The following DLGAP2 variants were observed in gnomAD, a reference collection of about 807,000 sequenced individuals.
The protein encoded by DLGAP2 is disks large-associated protein 2.
In DLGAP2, 26 loss-of-function variants were observed where a neutral mutation model predicts 100.3. The ratio of observed to expected loss-of-function variants is 0.26; its 90% CI spans 0.19 to 0.36. The LOEUF is 0.36. Ranked by LOEUF, DLGAP2 falls within the 10% of genes least tolerant of loss-of-function variation. The pLI is 1.00. For synonymous variants in DLGAP2, 886 were observed against 630.1 expected, an observed-to-expected ratio of 1.41 and a Z score of -6.08; for missense variants, 1,858 against 1,453.2, an observed-to-expected ratio of 1.28 and a Z score of -4.53.
intron 1 of DLGAP2, among the ~76,000 whole-genome samples, chr8:743,640 T>G (rs986549219): frequency 2.0e-5 from 3 of 152,232 alleles, no homozygotes; most frequent in Non-Finnish European, 4.4e-5. Context: ...CTCAGCTCAC[T>G]GCAGCCTTGA....
rs900948110 is a variant in DLGAP2, at chr8:756,996, G to A, written c.18+19171G>A. Among the ~76,000 whole-genome samples the A allele has an allele frequency of 3.9e-5, 6 of 152,128 alleles. No individual in the cohort carries two copies. In the East Asian group the frequency reaches 5.8e-4, roughly 15 times the overall value. On this transcript the variant is annotated intron_variant, in intron 1 of 14. Coordinates refer to ENST00000637795, the MANE Select transcript of DLGAP2 (RefSeq NM_001346810.2). ...CTGGGGTGCCCGCAATGGGTCTTCC[G>A]GAATGTTTGCCTCAAGAAGCTGTTT...
chr8:1,576,563 T>G (rs1183819120), intron 6 of DLGAP2, among the ~76,000 whole-genome samples: 1 of 152,250 alleles, frequency 6.6e-6, no homozygotes, highest in Non-Finnish European at 1.5e-5. Context: ...TCCTGAATGA[T>G]AATGCCTAGG....
intron 2 of DLGAP2, among the ~76,000 whole-genome samples, chr8:1,010,745 G>T (rs1801256624): frequency 6.6e-6 from 1 of 152,216 alleles, no homozygotes; most frequent in African/African-American, 2.4e-5. Context: ...TTTGCCCTCA[G>T]AAATGAATTC....
At chr8:1,148,103 C>T (rs1274020599) in intron 2 of DLGAP2, among the ~76,000 whole-genome samples, 2 of 152,104 alleles carry the variant, frequency 1.3e-5, no homozygotes, top group Non-Finnish European at 2.9e-5. Flanking sequence ...TGGTGGTTCT[C>T]TTATGTGAAG....
At chr8:1,013,124 G>T (rs74336934) in intron 2 of DLGAP2, among the ~76,000 whole-genome samples, 3,585 of 152,168 alleles carry the variant, frequency 0.024, 127 homozygotes, top group African/African-American at 0.082. Context: ...TCTTTTCCCT[G>T]TTCCAGTTTT....
intron 11 of DLGAP2, among the ~76,000 whole-genome samples, chr8:1,676,936 C>T (rs1292885146): frequency 6.6e-6 from 1 of 152,196 alleles, no homozygotes; most frequent in Non-Finnish European, 1.5e-5. Flanking sequence ...CAATGCAGGC[C>T]TTACGCCTTG....
intron 1 of DLGAP2, chr8:822,222 G>A: frequency 2.5e-6 from 1 of 399,360 alleles, no homozygotes; most frequent in East Asian, 3.6e-5. Context: ...CTTGCTTCCT[G>A]TGTGTGTCCG....
intron 1 of DLGAP2, among the ~76,000 whole-genome samples, chr8:895,117 A>G (rs1324868478): frequency 6.6e-6 from 1 of 151,706 alleles, no homozygotes; most frequent in African/African-American, 2.4e-5. Context: ...GACTGCAGTT[A>G]ATAATAACAC....
In DLGAP2 at chr8:1,698,230, T is replaced by C. The variant is rs963238630; in HGVS notation, c.2949+931T>C. 3.3e-5 allele frequency among the ~76,000 whole-genome samples: 5 copies of C among 152,040 alleles called. No homozygotes were observed. In the East Asian group the frequency reaches 9.7e-4, roughly 29 times the overall value. On this transcript the variant is annotated intron_variant, in intron 14 of 14. Transcript: ENST00000637795. ...AGACGACAGGGGAGTGAGGTGGGAG[T>C]GCACAGGGTCCACGTAAGCCATGCG...
chr8:1,576,584 G>C (rs575235791), intron 6 of DLGAP2, among the ~76,000 whole-genome samples: 3 of 152,242 alleles, frequency 2.0e-5, no homozygotes, highest in African/African-American at 7.2e-5. Flanking sequence ...TTTTCTTCTA[G>C]GATTTTTATG....
Position 1,707,894 on chromosome 8 carries a change from C to T in DLGAP2, c.*6488C>T, listed in dbSNP as rs1422951595. The T allele has an allele frequency of 6.6e-6, 1 of 152,594 alleles. No individual in the cohort carries two copies. The highest frequency in any genetic ancestry group is 1.5e-5 in the Non-Finnish European group (1 of 68,026). 9.5% of individuals were successfully genotyped at this position (152,594 alleles called of 1,614,324 possible). ...TGGAATTCAACTATTTTATGTCATT[C>T]TCTTTCTCACGCTTTTATGGTTCTT... On this transcript the variant is annotated 3_prime_UTR_variant, in exon 15 of 15. Coordinates refer to ENST00000637795, the MANE Select transcript of DLGAP2 (RefSeq NM_001346810.2).
intron 1 of DLGAP2, among the ~76,000 whole-genome samples, chr8:790,994 C>T (rs1822011660): frequency 6.6e-6 from 1 of 152,210 alleles, no homozygotes; most frequent in Non-Finnish European, 1.5e-5. Flanking sequence ...GCACCCGCCT[C>T]AGCCTCCCAA....
chr8:1,316,527 C>T (rs143878837), intron 3 of DLGAP2, among the ~76,000 whole-genome samples: 10,466 of 93,244 alleles, frequency 0.11, 607 homozygotes, highest in Admixed American at 0.16. Context: ...TCGAGACACT[C>T]GGCAGCGTTT....
intron 3 of DLGAP2, among the ~76,000 whole-genome samples, chr8:1,339,328 C>T (rs896404387): frequency 1.3e-5 from 2 of 151,192 alleles, no homozygotes; most frequent in Admixed American, 1.3e-4. Context: ...ATGCAGTGAC[C>T]TCAGTGAGGC....
rs190056091 is a variant in DLGAP2 at position 1,187,730 on chromosome 8, G to A, written c.74-71121G>A. Among the ~76,000 whole-genome samples, 916 of 120,142 alleles carry A rather than the reference G, an allele frequency of 7.6e-3. 57 individuals are homozygous for A. The highest frequency in any genetic ancestry group is 0.037 in the African/African-American group (840 of 22,716). The allele number at this position is 120,142 out of a possible 152,430, so 78.8% of individuals were successfully genotyped here. A position where few individuals can be genotyped will look rare whatever the true frequency, so the allele number is the denominator to read the frequency against. On this transcript the variant is annotated intron_variant, in intron 2 of 14. Coordinates refer to ENST00000637795, the MANE Select transcript of DLGAP2 (RefSeq NM_001346810.2). ...ACGTTTCCCTCACGGAATCTCACAC[G>A]CCCGAGACTTCCGTGACGTTTCCCT...
chr8:1,102,456 C>T (rs1278780984), intron 2 of DLGAP2, among the ~76,000 whole-genome samples: 2 of 151,204 alleles, frequency 1.3e-5, no homozygotes, highest in South Asian at 2.1e-4. Flanking sequence ...AAATCCATGG[C>T]GGAGAGAGAC....
Position 1,496,460 on chromosome 8 carries a change from G to T in DLGAP2, c.107-4906G>T, listed in dbSNP as rs371723178. Among the ~76,000 whole-genome samples the T allele has an allele frequency of 2.7e-3, 418 of 152,282 alleles. 2 individuals carry two copies. The highest frequency in any genetic ancestry group is 9.7e-3 in the African/African-American group (402 of 41,566). The stretch of plus-strand genomic sequence containing the variant: ...CCTGGGCCCGGGCCTCTGAGGACCG[G>T]TTCTGGGAAGCATCCTGCTTCCTTC... On this transcript the variant is annotated intron_variant, in intron 3 of 14. Coordinates refer to ENST00000637795, the MANE Select transcript of DLGAP2 (RefSeq NM_001346810.2).
chr8:1,500,271 T>G (rs1799675682), intron 3 of DLGAP2, among the ~76,000 whole-genome samples: 1 of 152,256 alleles, frequency 6.6e-6, no homozygotes, highest in East Asian at 1.9e-4. Context: ...TCACTGTGGC[T>G]GGTGTCGGGC....
chr8:1,277,308 T>A (rs907866020), intron 3 of DLGAP2, among the ~76,000 whole-genome samples: 1 of 152,202 alleles, frequency 6.6e-6, no homozygotes, highest in Middle Eastern at 3.2e-3. Flanking sequence ...TTGGTAACTG[T>A]ATTTTTTTGT....
Sources: gnomAD v4.1 joint callset for allele counts (sites outside exome capture counted in the v4.1 genomes callset) on GRCh38, gnomAD v4.1.1 for gene constraint, MANE v1.5 for transcripts, NCBI Gene and HGNC (gene_info 2026-07-23, HGNC 2026-07-21) for gene names.